Variants in DKK2 observed in about 807,000 individuals in gnomAD.
The protein encoded by DKK2 is dickkopf Wnt signaling pathway inhibitor 2, also known as dickkopf-related protein 2.
Under a neutral mutation model 28.1 loss-of-function variants are expected in DKK2, and 11 were observed. The ratio of observed to expected loss-of-function variants is 0.39; its 90% CI spans 0.25 to 0.65. The LOEUF is 0.65. DKK2 is among the 30% of genes least tolerant of loss of function. The pLI is 0.47. For missense variants in DKK2, 326 were observed against 335.5 expected (o/e 0.97, Z 0.22); for synonymous variants, 135 against 126.5 (o/e 1.07, Z -0.45).
chr4:106,985,536 T>C (rs1170602924), intron 1 of DKK2, among the ~76,000 whole-genome samples: 1 of 152,050 alleles, frequency 6.6e-6, no homozygotes, highest in African/African-American at 2.4e-5. Context: ...GGGCCAGGCA[T>C]GGTGGCTCAG....
intron 1 of DKK2, among the ~76,000 whole-genome samples, chr4:106,970,400 G>A (rs1210110915): frequency 6.6e-6 from 1 of 152,060 alleles, no homozygotes; most frequent in African/African-American, 2.4e-5. Context: ...AAATGTCACT[G>A]CATGTTTAGA....
intron 1 of DKK2, among the ~76,000 whole-genome samples, chr4:107,025,644 T>C (rs1355525893): frequency 6.6e-6 from 1 of 152,234 alleles, no homozygotes; most frequent in Non-Finnish European, 1.5e-5. Flanking sequence ...GCCATTGCTG[T>C]GCAGACTTTC....
chr4:106,991,797 T>C (rs1309973698), intron 1 of DKK2, among the ~76,000 whole-genome samples: 1 of 152,154 alleles, frequency 6.6e-6, no homozygotes, highest in Non-Finnish European at 1.5e-5. Flanking sequence ...CCAAACCTCA[T>C]CCATCATTGA....
chr4:106,925,640 T>G (rs932221065), intron 2 of DKK2, among the ~76,000 whole-genome samples, 159 bp downstream of exon 2: 2 of 152,138 alleles, frequency 1.3e-5, no homozygotes, highest in South Asian at 2.1e-4. Flanking sequence ...AAACTAAGAT[T>G]TGGGGAGGTA....
chr4:106,941,095 A>G (rs988860665), intron 1 of DKK2, among the ~76,000 whole-genome samples: 1 of 152,158 alleles, frequency 6.6e-6, no homozygotes, highest in Non-Finnish European at 1.5e-5. Flanking sequence ...GTACCCTACA[A>G]CTTAAAGTAT....
chr4:107,034,261 G>T (rs1333512804), intron 1 of DKK2, among the ~76,000 whole-genome samples: 3 of 152,024 alleles, frequency 2.0e-5, no homozygotes, highest in South Asian at 4.2e-4. Context: ...AGCATCAGTC[G>T]GTTCCAAGGA....
intron 1 of DKK2, among the ~76,000 whole-genome samples, chr4:106,964,960 T>TAGAG (rs1553922185): frequency 7.5e-5 from 11 of 146,440 alleles, no homozygotes; most frequent in East Asian, 6.1e-4. Flanking sequence ...GATAGATAGA[T>TAGAG]ATAGATAGAT....
intron 1 of DKK2, among the ~76,000 whole-genome samples, chr4:107,004,882 G>A (rs1723414070): frequency 6.6e-6 from 1 of 152,116 alleles, no homozygotes; most frequent in African/African-American, 2.4e-5. Context: ...GACTCAACCT[G>A]CTATCATTGA....
At chr4:106,980,943 C>A (rs960493422) in intron 1 of DKK2, among the ~76,000 whole-genome samples, 1 of 152,222 alleles carries the variant, frequency 6.6e-6, no homozygotes, top group Non-Finnish European at 1.5e-5. Flanking sequence ...TTTGTCCTTA[C>A]AACAACAATA....
At chr4:106,924,484 A>T (rs913992437) in intron 3 of DKK2, 61 bp downstream of exon 3, 2 of 1,542,820 alleles carry the variant, frequency 1.3e-6, no homozygotes, top group Non-Finnish European at 1.8e-6. Flanking sequence ...GGAATTAATT[A>T]TCTATATTTT....
intron 1 of DKK2, among the ~76,000 whole-genome samples, chr4:106,979,931 G>C (rs1290424470): frequency 6.6e-6 from 1 of 152,062 alleles, no homozygotes; most frequent in Non-Finnish European, 1.5e-5. Flanking sequence ...TCATAATACT[G>C]GTCACTTTAA....
Position 106,987,635 on chromosome 4 carries a change from C to T in DKK2, c.222+47735G>A, listed in dbSNP as rs183407436. On this transcript the variant is annotated intron_variant, in intron 1 of 3. Transcript: ENST00000285311. ...AGTAGACAGGCATAAGAATGCAATT[C>T]AATTCATTCTTTGATTCCAGTTTTG... Among the ~76,000 whole-genome samples, 95 of 151,804 alleles carry T rather than the reference C, an allele frequency of 6.3e-4. 2 individuals are homozygous for T. In the East Asian group the frequency reaches 0.016, roughly 26 times the overall value.
intron 1 of DKK2, among the ~76,000 whole-genome samples, chr4:106,959,372 T>G (rs1722653323): frequency 6.6e-6 from 1 of 152,126 alleles, no homozygotes; most frequent in African/African-American, 2.4e-5. Context: ...TCCATGCCAT[T>G]AAGAAATAGT....
chr4:106,933,718 C>T (rs1416444563), intron 1 of DKK2, among the ~76,000 whole-genome samples: 1 of 152,132 alleles, frequency 6.6e-6, no homozygotes, highest in Non-Finnish European at 1.5e-5. Flanking sequence ...CTTTGTATAG[C>T]ATCACCTTTC....
chr4:106,985,742 G>A (rs1723106965), intron 1 of DKK2, among the ~76,000 whole-genome samples: 1 of 151,072 alleles, frequency 6.6e-6, no homozygotes, highest in African/African-American at 2.4e-5. Flanking sequence ...CTAGGAGGCA[G>A]AGGTTGCAGT....
At chr4:106,998,117 A>C (rs541840241) in intron 1 of DKK2, among the ~76,000 whole-genome samples, 1 of 152,304 alleles carries the variant, frequency 6.6e-6, no homozygotes, top group Non-Finnish European at 1.5e-5. Context: ...GAGAATGCTA[A>C]ACAACTAGCA....
At chr4:106,964,963 A>AGATGAT in intron 1 of DKK2, among the ~76,000 whole-genome samples, 1 of 125,180 alleles carries the variant, frequency 8.0e-6, no homozygotes, top group Admixed American at 8.1e-5. Flanking sequence ...AGATAGATAT[A>AGATGAT]GATAGATAGA....
intron 1 of DKK2, among the ~76,000 whole-genome samples, chr4:106,930,556 T>C (rs1271469480): frequency 6.6e-6 from 1 of 152,196 alleles, no homozygotes; most frequent in Non-Finnish European, 1.5e-5. Context: ...TGTCCTTATT[T>C]AATGATGAGA....
chr4:107,003,473 G>C (rs531812761), intron 1 of DKK2, among the ~76,000 whole-genome samples: 2 of 152,342 alleles, frequency 1.3e-5, no homozygotes, highest in Admixed American at 6.5e-5. Context: ...GATTGAAGAG[G>C]TCTGGAGAGC....
Sources: gnomAD v4.1 joint callset for allele counts (sites outside exome capture counted in the v4.1 genomes callset) on GRCh38, gnomAD v4.1.1 for gene constraint, MANE v1.5 for transcripts, NCBI Gene and HGNC (gene_info 2026-07-23, HGNC 2026-07-21) for gene names.